The following SUCLA2 variants were observed in gnomAD, a reference collection of about 807,000 sequenced individuals.
SUCLA2 encodes succinate--CoA ligase [ADP-forming] subunit beta, mitochondrial.
SUCLA2 carries 30 observed loss-of-function variants against 54.8 expected under a neutral mutation model. The ratio of observed to expected loss-of-function variants is 0.55; its 90% CI spans 0.41 to 0.74. The LOEUF is 0.74. SUCLA2 is among the 30% of genes least tolerant of loss of function. The pLI is 0.00. For missense variants in SUCLA2, 476 were observed against 562.9 expected, an observed-to-expected ratio of 0.85 and a Z score of 1.56; for synonymous variants, 172 against 188.9, an observed-to-expected ratio of 0.91 and a Z score of 0.74.
rs1470710659 is a variant in SUCLA2, at chr13:47,972,850, C to T, written c.663+414G>A. On this transcript the variant is annotated intron_variant, in intron 5 of 10. Transcript: ENST00000646932. ...GCAACCTCCGCCTCCTGGGTTCAAGCGATTCTTCTGCCTCAGCCTCCCGAG... is the reference window on the plus strand; with the variant it reads ...GCAACCTCCGCCTCCTGGGTTCAAGTGATTCTTCTGCCTCAGCCTCCCGAG... Among the ~76,000 whole-genome samples, 8 of 147,942 alleles carry T rather than the reference C, an allele frequency of 5.4e-5. No individual in the cohort carries two copies. The East Asian group carries it at 1.2e-3, about 23-fold the overall frequency.
Position 48,001,212 on chromosome 13 carries a change from G to C in SUCLA2, c.58C>G (p.Arg20Gly), listed in dbSNP as rs757550710. ...GCAGCCCGCTGGGCCGTCCGAGGCC[G>C]GTGGTTCCGAAGGGTGGCCACGGCC... ...LVAVATLRNH[R>G]PRTAQRAAAQ... Residue 20 changes from arginine to glycine, a missense_variant, in exon 1 of 11, where the codon CGG becomes GGG. Arg to Gly is a moderately radical substitution (Grantham distance 125). Transcript: ENST00000646932. The C allele has an allele frequency of 3.1e-6, 5 of 1,609,378 alleles. No individual in the cohort carries two copies. Among genetic ancestry groups the C allele is most frequent in the Non-Finnish European group, 4.2e-6 (5 of 1,178,606 alleles).
At chr13:47,981,843 G>A (rs1033266061) in intron 4 of SUCLA2, among the ~76,000 whole-genome samples, 2 of 151,768 alleles carry the variant, frequency 1.3e-5, no homozygotes, top group Non-Finnish European at 2.9e-5. Context: ...AAATTAGCAG[G>A]GTGTGGTGGT....
chr13:47,985,261 T>A (rs1291665764), intron 4 of SUCLA2, among the ~76,000 whole-genome samples: 1 of 152,196 alleles, frequency 6.6e-6, no homozygotes, highest in Non-Finnish European at 1.5e-5. Context: ...GAGGTGTACA[T>A]GTCCAGGATG....
In SUCLA2 at chr13:48,001,257, T is replaced by G; in HGVS notation, c.13A>C (p.Met5Leu). 6.2e-7 allele frequency: 1 copy of G among 1,603,450 alleles called. No homozygotes were observed. Among genetic ancestry groups the G allele is most frequent in the Admixed American group, 1.7e-5 (1 of 58,528 alleles). The part of the protein sequence containing the change: MAAS[M>L]FYGRLVAVAT... ...ACGGCCACTAGCCTGCCGTAGAACA[T>G]GGAGGCCGCCATTTCTGAGTCGGAC... The change falls in exon 1 of 11, where the codon ATG becomes CTG. Residue 5 changes from methionine to leucine, a missense_variant. By Grantham distance (15) the Met-to-Leu change is conservative. This residue lies in a region of SUCLA2 where 134 missense variants were observed against 118.7 expected (regional missense o/e 1.13). Coordinates refer to ENST00000646932, the MANE Select transcript of SUCLA2 (RefSeq NM_003850.3).
At chr13:47,947,274 TACACACACAC>T (rs34458960) in intron 10 of SUCLA2, among the ~76,000 whole-genome samples, 81 of 144,936 alleles carry the variant, frequency 5.6e-4, no homozygotes, top group African/African-American at 7.8e-4. Flanking sequence ...ACACGCACAA[TACACACACAC>T]ACACACACAC....
intron 10 of SUCLA2, among the ~76,000 whole-genome samples, chr13:47,945,100 T>TACATCTCTACTAAAAATAAA (rs1949718918): frequency 6.6e-6 from 1 of 151,582 alleles, no homozygotes; most frequent in African/African-American, 2.4e-5. Flanking sequence ...AAATACATAA[T>TACATCTCTACTAAAAATAAA]TAGCCAGGCA....
intron 2 of SUCLA2, among the ~76,000 whole-genome samples, chr13:47,992,608 AGTC>A (rs1238671602): frequency 6.6e-6 from 1 of 152,202 alleles, no homozygotes; most frequent in Non-Finnish European, 1.5e-5. Context: ...TAGAACCTGC[AGTC>A]TTATTACATT....
intron 4 of SUCLA2, among the ~76,000 whole-genome samples, chr13:47,977,171 T>C (rs1950021388): frequency 6.6e-5 from 10 of 152,142 alleles, no homozygotes. Context: ...AAAAATTATG[T>C]ATCAACAAAT....
chr13:47,971,849 GAAT>G (rs915588414), intron 5 of SUCLA2: 2 of 398,348 alleles, frequency 5.0e-6, no homozygotes, highest in African/African-American at 2.1e-5. Flanking sequence ...GAAAAACAAT[GAAT>G]AATAATCACC....
chr13:47,955,861 C>T (rs1292785936), intron 6 of SUCLA2, among the ~76,000 whole-genome samples: 1 of 152,092 alleles, frequency 6.6e-6, no homozygotes, highest in Non-Finnish European at 1.5e-5. Flanking sequence ...TGAAAAGATA[C>T]AGGGTTGAAA....
chr13:47,993,713 C>T (rs4942735), intron 2 of SUCLA2, among the ~76,000 whole-genome samples: 110,872 of 152,078 alleles, frequency 0.73, 41,378 homozygotes, highest in Non-Finnish European at 0.81. Flanking sequence ...TATTATGTCA[C>T]TTGTTGAGCA....
intron 1 of SUCLA2, chr13:48,000,978 G>A: frequency 2.1e-6 from 3 of 1,425,004 alleles, no homozygotes; most frequent in South Asian, 3.0e-5. Context: ...CGCGGACTAA[G>A]GGCTGGGTCA....
At chr13:47,971,638 A>G (rs2137719500) in intron 5 of SUCLA2, 1 of 355,564 alleles carries the variant, frequency 2.8e-6, no homozygotes, top group African/African-American at 2.1e-5. Flanking sequence ...TTTATTGTGA[A>G]CACATACAAA....
chr13:47,996,323 CAA>C (rs750012963), intron 2 of SUCLA2, among the ~76,000 whole-genome samples: 3 of 93,522 alleles, frequency 3.2e-5, no homozygotes. Context: ...AACTCCGTCT[CAA>C]AAAAAAAAAA....
intron 6 of SUCLA2, among the ~76,000 whole-genome samples, chr13:47,957,814 TC>T (rs1201344179): frequency 6.6e-6 from 1 of 152,102 alleles, no homozygotes; most frequent in East Asian, 1.9e-4. Flanking sequence ...TTTGGGAAAT[TC>T]CTAAGGAATT....
Position 47,945,243 on chromosome 13 carries a change from CTG to C in SUCLA2, c.1318-1800_1318-1799del, listed in dbSNP as rs535476790. On this transcript the variant is annotated intron_variant, in intron 10 of 10. Transcript: ENST00000646932. ...CAGCCTGGGCAACAAGACCAAAACTCTGTCTTAAAAAAAAAAAAAAAAAAAAA... is the reference window on the plus strand; with the variant it reads ...CAGCCTGGGCAACAAGACCAAAACTCTCTTAAAAAAAAAAAAAAAAAAAAA... Among the ~76,000 whole-genome samples, 22 of 98,780 alleles carry C rather than the reference CTG, an allele frequency of 2.2e-4. No individual in the cohort carries two copies. In the East Asian group the frequency reaches 6.7e-3, roughly 30 times the overall value. The allele number at this position is 98,780 out of a possible 152,430, so 64.8% of individuals were successfully genotyped here.
chr13:47,952,077 A>G (rs1180369496), intron 8 of SUCLA2, among the ~76,000 whole-genome samples: 1 of 151,554 alleles, frequency 6.6e-6, no homozygotes, highest in Non-Finnish European at 1.5e-5. Context: ...ATCCATTACA[A>G]TCTGGCCTAT....
chr13:47,945,358 G>T (rs1013621184), intron 10 of SUCLA2, among the ~76,000 whole-genome samples: 2 of 137,336 alleles, frequency 1.5e-5, no homozygotes, highest in African/African-American at 5.4e-5. Context: ...AGGAGGCAAA[G>T]GTTACAGTGA....
chr13:47,958,192 A>G (rs551368274), intron 6 of SUCLA2, among the ~76,000 whole-genome samples: 2 of 152,248 alleles, frequency 1.3e-5, no homozygotes, highest in South Asian at 2.1e-4. Flanking sequence ...CCTTTAGAAA[A>G]TCAAACTGCC....
Sources: gnomAD v4.1 joint callset for allele counts (sites outside exome capture counted in the v4.1 genomes callset) on GRCh38, gnomAD v4.1.1 for gene constraint, gnomAD v4.1.1 regional missense constraint, MANE v1.5 for transcripts, NCBI Gene and HGNC (gene_info 2026-07-23, HGNC 2026-07-21) for gene names.